SULT4A1: variants seen among roughly 807,000 people sequenced by gnomAD.
SULT4A1 encodes the protein sulfotransferase 4A1.
SULT4A1 carries 11 observed loss-of-function variants against 35.2 expected under a neutral mutation model. That is an observed-to-expected ratio of 0.31 (90% CI 0.20 to 0.52). The LOEUF (loss-of-function observed/expected upper bound fraction) is 0.52, where lower values mean the gene tolerates loss of function less well. Ranked by LOEUF, SULT4A1 falls within the 20% of genes least tolerant of loss-of-function variation. SULT4A1 has a pLI of 0.97. For missense variants in SULT4A1, 271 were observed against 383.7 expected (o/e 0.71, Z 2.45); for synonymous variants, 152 against 151.8 (o/e 1.00, Z -0.01).
intron 5 of SULT4A1, among the ~76,000 whole-genome samples, chr22:43,833,064 TCTC>T (rs2063336167): frequency 6.6e-6 from 1 of 151,916 alleles, no homozygotes; most frequent in Non-Finnish European, 1.5e-5. Flanking sequence ...CCCCATCGTC[TCTC>T]CTCTTTCCCA....
At chr22:43,852,297 A>T (rs2148301957) in intron 1 of SULT4A1, among the ~76,000 whole-genome samples, 1 of 151,366 alleles carries the variant, frequency 6.6e-6, no homozygotes, top group Non-Finnish European at 1.5e-5. Flanking sequence ...CCTCCTAAGT[A>T]GCTGGGACCA....
chr22:43,829,914 G>A (rs138062), intron 5 of SULT4A1, among the ~76,000 whole-genome samples: 105,633 of 152,150 alleles, frequency 0.69, 37,439 homozygotes, highest in East Asian at 0.99. Flanking sequence ...GCAAATTCCC[G>A]CATTAAAGCC....
intron 1 of SULT4A1, among the ~76,000 whole-genome samples, chr22:43,859,636 A>T (rs145287197): frequency 6.6e-5 from 10 of 152,376 alleles, no homozygotes; most frequent in African/African-American, 2.4e-4. Flanking sequence ...AAGAATGAAT[A>T]GGAACAAAGT....
At chr22:43,857,209 C>T (rs138102) in intron 1 of SULT4A1, among the ~76,000 whole-genome samples, 35,722 of 151,676 alleles carry the variant, frequency 0.24, 4,419 homozygotes, top group African/African-American at 0.32. Flanking sequence ...AGCCACAGAT[C>T]GGTCCACAGA....
At chr22:43,854,589 G>A (rs1306619532) in intron 1 of SULT4A1, among the ~76,000 whole-genome samples, 1 of 152,172 alleles carries the variant, frequency 6.6e-6, no homozygotes, top group Non-Finnish European at 1.5e-5. Flanking sequence ...GCTGGTGAGG[G>A]CTTCTGACCT....
intron 3 of SULT4A1, 121 bp from the exon 4 acceptor site, chr22:43,839,114 C>CTGGACGCTGGAAGCA: frequency 7.3e-7 from 1 of 1,365,592 alleles, no homozygotes; most frequent in South Asian, 1.3e-5. Flanking sequence ...CTGCTTCCAG[C>CTGGACGCTGGAAGCA]GTCCAGCTGG....
intron 1 of SULT4A1, among the ~76,000 whole-genome samples, chr22:43,861,784 C>T (rs1248971156): frequency 2.6e-5 from 4 of 152,210 alleles, no homozygotes; most frequent in African/African-American, 7.2e-5. Context: ...CATGTTATCT[C>T]CCTTCCCAGG....
chr22:43,858,034 A>C (rs1185682974), intron 1 of SULT4A1, among the ~76,000 whole-genome samples: 1 of 129,468 alleles, frequency 7.7e-6, no homozygotes, highest in Non-Finnish European at 1.6e-5. Context: ...TGGGCAATAG[A>C]GTAAGATCCT....
Position 43,825,259 on chromosome 22 carries a change from A to G in SULT4A1, c.*742T>C, listed in dbSNP as rs2063278853. 2.0e-5 allele frequency: 3 copies of G among 152,242 alleles called. No homozygotes were observed. Among genetic ancestry groups the G allele is most frequent in the Admixed American group, 2.0e-4 (3 of 15,274 alleles). The allele number at this position is 152,242 out of a possible 1,614,324, so 9.4% of individuals were successfully genotyped here. On this transcript the variant is annotated 3_prime_UTR_variant, in exon 7 of 7. Coordinates refer to ENST00000330884, the MANE Select transcript of SULT4A1 (RefSeq NM_014351.4). ...ACTGCATGCAAATGCTCCTGACTGCATTAGACTCCCACCTGCCAGCCTCAC... is the reference window on the plus strand; with the variant it reads ...ACTGCATGCAAATGCTCCTGACTGCGTTAGACTCCCACCTGCCAGCCTCAC...
At chr22:43,846,553 C>T (rs1394372733) in intron 1 of SULT4A1, among the ~76,000 whole-genome samples, 10 of 152,160 alleles carry the variant, frequency 6.6e-5, no homozygotes, top group Non-Finnish European at 1.5e-5. Context: ...GAGGAGGGAG[C>T]TTTGGAGCAA....
chr22:43,862,118 G>A, intron 1 of SULT4A1, 96 bp downstream of exon 1: 14 of 898,606 alleles, frequency 1.6e-5, no homozygotes, highest in South Asian at 4.0e-5. Context: ...GCGACCACCC[G>A]GCCCAGCAGA....
chr22:43,828,486 C>T (rs1024319920), intron 6 of SULT4A1, among the ~76,000 whole-genome samples: 4 of 152,216 alleles, frequency 2.6e-5, no homozygotes, highest in East Asian at 3.9e-4. Context: ...CTCTGTGCAG[C>T]GGCTTAGCTT....
intron 1 of SULT4A1, among the ~76,000 whole-genome samples, chr22:43,854,472 C>A (rs1480221320): frequency 6.6e-6 from 1 of 152,212 alleles, no homozygotes; most frequent in African/African-American, 2.4e-5. Context: ...CAGGGCCTTG[C>A]CCAAAATCAA....
At chr22:43,828,003 G>T (rs76645850) in intron 6 of SULT4A1, among the ~76,000 whole-genome samples, 7 of 152,124 alleles carry the variant, frequency 4.6e-5, no homozygotes, top group Admixed American at 1.3e-4. Flanking sequence ...CCTTCAAACC[G>T]CCCTTAGCCG....
intron 1 of SULT4A1, among the ~76,000 whole-genome samples, chr22:43,846,696 G>A (rs558338021): frequency 1.3e-5 from 2 of 152,368 alleles, no homozygotes; most frequent in South Asian, 2.1e-4. Context: ...CATGGCAGAC[G>A]AGGCTAAGGC....
At chr22:43,841,684 G>A (rs1475783377) in intron 2 of SULT4A1, 118 bp downstream of exon 2, 3 of 1,462,008 alleles carry the variant, frequency 2.1e-6, no homozygotes, top group Admixed American at 4.0e-5. Flanking sequence ...CTGGCTATCT[G>A]GGGCTATCTG....
At chr22:43,826,497 G>A (rs1365728204) in intron 6 of SULT4A1, 11 of 985,264 alleles carry the variant, frequency 1.1e-5, no homozygotes, top group Middle Eastern at 5.2e-4. Context: ...TCCCAGGAGC[G>A]AGTATGATCT....
chr22:43,842,303 G>A (rs543522796), intron 1 of SULT4A1, among the ~76,000 whole-genome samples: 8 of 152,250 alleles, frequency 5.3e-5, no homozygotes, highest in South Asian at 2.1e-4. Flanking sequence ...GGAATGACCC[G>A]CTAGCCAAGA....
At chr22:43,827,147 C>T in intron 6 of SULT4A1, 1 of 985,416 alleles carries the variant, frequency 1.0e-6, no homozygotes, top group Non-Finnish European at 1.2e-6. Flanking sequence ...GTACTGCCTC[C>T]CTGCTTTTGA....
Sources: gnomAD v4.1 joint callset for allele counts (sites outside exome capture counted in the v4.1 genomes callset) on GRCh38, gnomAD v4.1.1 for gene constraint, MANE v1.5 for transcripts, NCBI Gene and HGNC (gene_info 2026-07-23, HGNC 2026-07-21) for gene names.